The following SYTL4 variants were observed in gnomAD, a reference collection of about 807,000 sequenced individuals.
The protein encoded by SYTL4 is synaptotagmin like 4.
A neutral mutation model predicts 52.7 loss-of-function variants in SYTL4; 16 were observed. The observed-to-expected ratio is 0.30, with a 90% CI of 0.21 to 0.46. The LOEUF is 0.46. Ranked by LOEUF, SYTL4 falls within the 20% of genes least tolerant of loss-of-function variation. The pLI, the probability that SYTL4 is intolerant of heterozygous loss-of-function variation, is 1.00. For missense variants in SYTL4, 423 were observed against 519.9 expected (o/e 0.81, Z 1.81); for synonymous variants, 160 against 186.6 (o/e 0.86, Z 1.16).
chrX:100,678,551 C>T lies in SYTL4; in HGVS notation c.1707G>A (p.Val569=), dbSNP rs375052464. ...AGTGAGGATTCAGGGTCTTCTTCATCACAGGAGTTTTACGTTTACTGGCCT... is the reference window on the plus strand; with the variant it reads ...AGTGAGGATTCAGGGTCTTCTTCATTACAGGAGTTTTACGTTTACTGGCCT... The part of the protein sequence containing the change: ...RNKASKRKTP[V]MKKTLNPHYN... The change falls in exon 19 of 20, where the codon GTG becomes GTA. Residue 569 remains valine (V), a synonymous_variant. Coordinates refer to ENST00000372989, the MANE Select transcript of SYTL4 (RefSeq NM_001370165.1). 9.1e-5 allele frequency: 110 copies of T among 1,209,596 alleles called. No individual in the cohort carries two copies. The highest frequency in any genetic ancestry group is 4.9e-5 in the Non-Finnish European group (44 of 895,098).
intron 2 of SYTL4, among the ~76,000 whole-genome samples, chrX:100,728,418 A>G: frequency 8.9e-6 from 1 of 112,185 alleles, no homozygotes; most frequent in African/African-American, 3.2e-5. Context: ...CTAGTTAAGT[A>G]CAACACAAAT....
At chrX:100,714,005 G>A (rs2084134830) in intron 2 of SYTL4, among the ~76,000 whole-genome samples, 1 of 111,217 alleles carries the variant, frequency 9.0e-6, no homozygotes, top group African/African-American at 3.3e-5. Flanking sequence ...CATGGCACAA[G>A]GAAACTTTTG....
intron 18 of SYTL4, 116 bp from the exon 19 acceptor site, chrX:100,678,715 T>C (rs770762992): frequency 3.7e-5 from 21 of 568,574 alleles, no homozygotes; most frequent in Admixed American, 2.7e-4. Context: ...ATCCAGATCC[T>C]ACTACACACG....
intron 16 of SYTL4, chrX:100,685,335 A>G (rs1428309351): frequency 1.8e-5 from 2 of 112,225 alleles, no homozygotes; most frequent in African/African-American, 6.5e-5. Flanking sequence ...TTGTCATGTC[A>G]TTGTGTAGTT....
At chrX:100,683,572 C>T (rs898958813) in intron 16 of SYTL4, among the ~76,000 whole-genome samples, 5 of 111,045 alleles carry the variant, frequency 4.5e-5, no homozygotes, top group East Asian at 5.6e-4. Flanking sequence ...ACAAAAGAAT[C>T]GGGAGGTAGA....
At position 100,678,409 on chromosome X, in the gene SYTL4, T is replaced by A. The variant is rs771840367; in HGVS notation, c.1849A>T (p.Arg617Trp). 8.3e-7 allele frequency: 1 copy of A among 1,209,797 alleles called. No individual in the cohort carries two copies. Among genetic ancestry groups the A allele is most frequent in the Non-Finnish European group, 1.1e-6 (1 of 893,803 alleles). ...ATCTCACCAGTGCCAACACCCAGCCTGACCCCTCCCAGGAAGTCATTGCTG... is the reference window on the plus strand; with the variant it reads ...ATCTCACCAGTGCCAACACCCAGCCAGACCCCTCCCAGGAAGTCATTGCTG... ...LASNDFLGGV[R>W]LGVGTGISNG... Residue 617 changes from arginine to tryptophan, a missense_variant, in exon 19 of 20, where the codon AGG becomes TGG. Physicochemically the swap from Arg to Trp is moderately radical, Grantham distance 101 (BLOSUM62 -3). Coordinates refer to ENST00000372989, the MANE Select transcript of SYTL4 (RefSeq NM_001370165.1).
chrX:100,703,709 A>G (rs775336754), intron 3 of SYTL4, among the ~76,000 whole-genome samples: 3 of 112,883 alleles, frequency 2.7e-5, no homozygotes, highest in African/African-American at 9.6e-5. Flanking sequence ...GTTATTTAAC[A>G]TAGGAATCAT....
intron 16 of SYTL4, among the ~76,000 whole-genome samples, chrX:100,683,272 G>A (rs1326731189): frequency 1.9e-5 from 2 of 107,123 alleles, no homozygotes; most frequent in East Asian, 2.9e-4. Context: ...TCAGCCTCCC[G>A]AGTAGCTGGG....
At chrX:100,731,121 T>A (rs2147858311) in intron 2 of SYTL4, among the ~76,000 whole-genome samples, 1 of 111,694 alleles carries the variant, frequency 9.0e-6, no homozygotes, top group Admixed American at 9.5e-5. Context: ...AAGTCACCAC[T>A]TTTCAAGCCA....
rs934348560 is a variant in SYTL4 at position 100,675,545 on chromosome X, G to A, written c.*483C>T. ...AAAAGCATAAATTGGAGAGGAGAAAGAGGAAGGAACTACTCACCTCTCCCC... is the reference window on the plus strand; with the variant it reads ...AAAAGCATAAATTGGAGAGGAGAAAAAGGAAGGAACTACTCACCTCTCCCC... On this transcript the variant is annotated 3_prime_UTR_variant, in exon 20 of 20. Transcript: ENST00000372989. 4 of 112,260 alleles carry A rather than the reference G, an allele frequency of 3.6e-5. No homozygotes were observed. Among genetic ancestry groups the A allele is most frequent in the African/African-American group, 1.3e-4 (4 of 30,707 alleles). 9.3% of individuals were successfully genotyped at this position (112,260 alleles called of 1,213,427 possible).
intron 2 of SYTL4, among the ~76,000 whole-genome samples, chrX:100,725,131 A>C (rs1180765800): frequency 1.8e-5 from 2 of 111,620 alleles, no homozygotes; most frequent in Non-Finnish European, 3.8e-5. Context: ...CAAGTAATAA[A>C]AATGTAGTCC....
chrX:100,695,391 G>A (rs1347472296), intron 8 of SYTL4, among the ~76,000 whole-genome samples: 1 of 111,238 alleles, frequency 9.0e-6, no homozygotes, highest in Non-Finnish European at 1.9e-5. Flanking sequence ...GAGTCTTCTG[G>A]GTCCAATGAG....
chrX:100,716,527 T>C (rs190353658), intron 2 of SYTL4, among the ~76,000 whole-genome samples: 90 of 50,024 alleles, frequency 1.8e-3, no homozygotes, highest in African/African-American at 7.9e-3. Flanking sequence ...ATCCAGAGTA[T>C]ATGGTGGTCT....
rs765230684 is a variant in SYTL4 at position 100,691,153 on chromosome X, C to T, written c.596G>A (p.Ser199Asn). The T allele has an allele frequency of 4.6e-5, 56 of 1,207,631 alleles. No individual in the cohort carries two copies. The East Asian group carries it at 7.1e-4, about 15-fold the overall frequency. The change falls in exon 9 of 20, where the codon AGT (serine) becomes AAT (asparagine). Residue 199 changes from serine to asparagine, a missense_variant. Ser to Asn is a conservative substitution (Grantham distance 46). Coordinates refer to ENST00000372989, the MANE Select transcript of SYTL4 (RefSeq NM_001370165.1). The part of the protein sequence containing the change: ...KSGKSALEAE[S>N]ESLDSFTADS... ...AGCTGTGAAGCTATCCAGACTCTCA[C>T]TCTCAGCTTCCAATGCACTCTTTCC...
At chrX:100,677,096 AG>A (rs1312265798) in intron 19 of SYTL4, among the ~76,000 whole-genome samples, 1 of 112,234 alleles carries the variant, frequency 8.9e-6, no homozygotes, top group African/African-American at 3.2e-5. Flanking sequence ...GGTGATGTAT[AG>A]TGACTGACTC....
chrX:100,715,905 T>C (rs905458264), intron 2 of SYTL4, among the ~76,000 whole-genome samples: 4 of 89,981 alleles, frequency 4.4e-5, no homozygotes, highest in Non-Finnish European at 6.4e-5. Flanking sequence ...GCCACTGCAC[T>C]CCAGCCTGGG....
chrX:100,710,630 C>G (rs2084049524), intron 2 of SYTL4, among the ~76,000 whole-genome samples: 1 of 112,226 alleles, frequency 8.9e-6, no homozygotes, highest in African/African-American at 3.2e-5. Flanking sequence ...CACTGAACAT[C>G]AGGCAATGAA....
chrX:100,685,977 T>C lies in SYTL4; in HGVS notation c.1449+13A>G, dbSNP rs1255829375. The C allele has an allele frequency of 2.5e-6, 3 of 1,186,391 alleles. No individual in the cohort carries two copies. The highest frequency in any genetic ancestry group is 3.4e-6 in the Non-Finnish European group (3 of 882,907). ...CTCAGATCCAAACTGCAGGAGTTGTTAAAGCAGACTACCTTTCCATGTAAA... is the reference window on the plus strand; with the variant it reads ...CTCAGATCCAAACTGCAGGAGTTGTCAAAGCAGACTACCTTTCCATGTAAA... On this transcript the variant is annotated intron_variant, in intron 16 of 19. Transcript: ENST00000372989.
intron 2 of SYTL4, among the ~76,000 whole-genome samples, chrX:100,711,261 A>G (rs2084061355): frequency 8.9e-6 from 1 of 112,084 alleles, no homozygotes; most frequent in Non-Finnish European, 1.9e-5. Context: ...AGTACTCAAC[A>G]AGGTCAAATT....
Sources: allele counts gnomAD v4.1 joint callset (sites outside exome capture counted in the v4.1 genomes callset), GRCh38; gene constraint gnomAD v4.1.1; transcripts MANE v1.5; gene names NCBI Gene and HGNC (gene_info 2026-07-23, HGNC 2026-07-21).